The following ERAP1 variants were observed in gnomAD, a reference collection of about 807,000 sequenced individuals.
The protein encoded by ERAP1 is endoplasmic reticulum aminopeptidase 1.
A neutral mutation model predicts 103.7 loss-of-function variants in ERAP1; 86 were observed. The observed-to-expected ratio is 0.83, with a 90% confidence interval of 0.70 to 0.99. The LOEUF (loss-of-function observed/expected upper bound fraction) is 0.99. Among genes scored for constraint, ERAP1 ranks in the 50% least tolerant of loss-of-function variants. The pLI is 0.00. For missense variants in ERAP1, 1,009 were observed against 1,128.4 expected, an observed-to-expected ratio of 0.89 and a Z score of 1.52; for synonymous variants, 398 against 402.4, an observed-to-expected ratio of 0.99 and a Z score of 0.13.
upstream of ERAP1, among the ~76,000 whole-genome samples, chr5:96,811,895 A>G (rs1779177314): frequency 6.6e-6 from 1 of 152,248 alleles, no homozygotes; most frequent in African/African-American, 2.4e-5. Flanking sequence ...GCAGCCTTAC[A>G]GAACCCAGGG....
chr5:96,784,761 T>TTTTTTAATGATAC, intron 13 of ERAP1: 2 of 153,134 alleles, frequency 1.3e-5, no homozygotes, highest in Admixed American at 1.3e-4. Context: ...CATGAGTTCC[T>TTTTTTAATGATAC]GGAGGAAACA....
the ERAP1 span, among the ~76,000 whole-genome samples, chr5:96,923,195 G>A: frequency 6.6e-6 from 1 of 152,024 alleles, no homozygotes; most frequent in African/African-American, 2.4e-5. Context: ...TTCCACACTG[G>A]TCTCAAGCTC....
At chr5:96,886,594 T>C in the ERAP1 span, 13 of 1,387,830 alleles carry the variant, frequency 9.4e-6, no homozygotes, top group East Asian at 2.4e-4. Flanking sequence ...CCATAAGTCA[T>C]AGGCATGGTT....
the ERAP1 span, among the ~76,000 whole-genome samples, chr5:96,834,623 A>G: frequency 1.3e-5 from 2 of 152,234 alleles, no homozygotes; most frequent in Non-Finnish European, 2.9e-5. Flanking sequence ...ATAAAAAAAG[A>G]TTTGAGAACT....
At chr5:96,843,020 A>C in the ERAP1 span, among the ~76,000 whole-genome samples, 1 of 152,330 alleles carries the variant, frequency 6.6e-6, no homozygotes, top group Middle Eastern at 3.4e-3. Context: ...TTGCCAGTTA[A>C]AGATAACATC....
chr5:96,840,402 C>T, the ERAP1 span, among the ~76,000 whole-genome samples: 2 of 151,978 alleles, frequency 1.3e-5, no homozygotes, highest in African/African-American at 4.8e-5. Flanking sequence ...TTTTCTCTTT[C>T]CCCCAGTGAA....
chr5:96,827,787 A>C, the ERAP1 span, among the ~76,000 whole-genome samples: 1 of 152,114 alleles, frequency 6.6e-6, no homozygotes, highest in African/African-American at 2.4e-5. Flanking sequence ...TACCCACTCT[A>C]TGTTTACCCA....
chr5:96,933,696 G>GTTAT, the ERAP1 span, among the ~76,000 whole-genome samples: 1 of 152,176 alleles, frequency 6.6e-6, no homozygotes, highest in Non-Finnish European at 1.5e-5. Flanking sequence ...AAGCTGCAGT[G>GTTAT]TTTTAAATAT....
At chr5:96,814,196 T>C in the ERAP1 span, 122 of 455,514 alleles carry the variant, frequency 2.7e-4, no homozygotes, top group African/African-American at 2.4e-3. Context: ...CCTCATTGAC[T>C]ATCGGATTGA....
At chr5:96,893,838 T>G in the ERAP1 span, among the ~76,000 whole-genome samples, 29,362 of 152,100 alleles carry the variant, frequency 0.19, 3,515 homozygotes, top group East Asian at 0.57. Flanking sequence ...TACCTCTCCA[T>G]CCTCATCTCT....
the ERAP1 span, among the ~76,000 whole-genome samples, chr5:96,860,640 G>C: frequency 6.6e-6 from 1 of 152,114 alleles, no homozygotes; most frequent in Non-Finnish European, 1.5e-5. Flanking sequence ...TGAGTGTAAG[G>C]GGGTCTAGGA....
chr5:96,887,425 C>A, the ERAP1 span, among the ~76,000 whole-genome samples: 1 of 151,776 alleles, frequency 6.6e-6, no homozygotes, highest in East Asian at 1.9e-4. Flanking sequence ...CTCAGCCTCC[C>A]AAGTAGCTGG....
At chr5:96,852,801 G>A in the ERAP1 span, among the ~76,000 whole-genome samples, 4 of 152,154 alleles carry the variant, frequency 2.6e-5, no homozygotes, top group African/African-American at 4.8e-5. Flanking sequence ...AATGAAGTAC[G>A]TTGATGAATA....
chr5:96,783,818 TACACACACACACACACACAC>T lies in ERAP1; in HGVS notation c.2100+86_2100+105del, dbSNP rs3076640. ...CTTTTCCTTAATATGTATATAAAGA[TACACACACACACACACACAC>T]ACACACACACACACACATACACACA... On this transcript the variant is annotated intron_variant, in intron 14 of 18. Transcript: ENST00000443439. The T allele has an allele frequency of 1.1e-4, 87 of 803,502 alleles. 2 individuals carry two copies. Among genetic ancestry groups the T allele is most frequent in the Middle Eastern group, 7.0e-4 (2 of 2,850 alleles). The allele number at this position is 803,502 out of a possible 1,614,324, so 49.8% of individuals were successfully genotyped here.
chr5:96,778,789 T>C (rs149173), intron 18 of ERAP1, among the ~76,000 whole-genome samples: 33,216 of 152,054 alleles, frequency 0.22, 4,379 homozygotes, highest in Admixed American at 0.35. Flanking sequence ...AAGGATTGAA[T>C]GGGGGTAAGA....
the ERAP1 span, among the ~76,000 whole-genome samples, chr5:96,920,476 C>G: frequency 6.6e-6 from 1 of 152,180 alleles, no homozygotes; most frequent in Non-Finnish European, 1.5e-5. Context: ...TGAGGAAGTT[C>G]CAGGGGTTTT....
chr5:96,871,589 G>A, the ERAP1 span, among the ~76,000 whole-genome samples: 1 of 152,132 alleles, frequency 6.6e-6, no homozygotes, highest in African/African-American at 2.4e-5. Context: ...TCCTGTTTGA[G>A]AATGTGTCAT....
the ERAP1 span, among the ~76,000 whole-genome samples, chr5:96,878,437 A>T: frequency 1.3e-5 from 2 of 151,880 alleles, no homozygotes; most frequent in African/African-American, 4.8e-5. Flanking sequence ...AAGAATATAG[A>T]ATATATATAT....
chr5:96,889,907 T>C, the ERAP1 span, among the ~76,000 whole-genome samples: 6 of 152,208 alleles, frequency 3.9e-5, no homozygotes, highest in Middle Eastern at 3.4e-3. Context: ...GGAATCACCA[T>C]ACCTTATTTG....
Sources: gnomAD v4.1 joint callset for allele counts (sites outside exome capture counted in the v4.1 genomes callset) on GRCh38, gnomAD v4.1.1 for gene constraint, MANE v1.5 for transcripts, NCBI Gene and HGNC (gene_info 2026-07-23, HGNC 2026-07-21) for gene names.